The following ATP6V1A variants were observed in gnomAD, a reference collection of about 807,000 sequenced individuals.
ATP6V1A encodes the protein V-type proton ATPase catalytic subunit A.
In ATP6V1A, 18 loss-of-function variants were observed where a neutral mutation model predicts 70.1. The observed-to-expected ratio is 0.26, with a 90% CI of 0.18 to 0.38. ATP6V1A has a LOEUF of 0.38. Ranked by LOEUF, ATP6V1A falls within the 10% of genes least tolerant of loss-of-function variation. The pLI is 1.00. For missense variants in ATP6V1A, 424 were observed against 772.4 expected (o/e 0.55, Z 5.35); for synonymous variants, 232 against 253.8 (o/e 0.91, Z 0.82).
intron 6 of ATP6V1A, among the ~76,000 whole-genome samples, chr3:113,788,360 GT>G (rs1054307458): frequency 2.1e-4 from 31 of 151,050 alleles, no homozygotes; most frequent in Admixed American, 1.1e-3. Context: ...TTGAGATGGA[GT>G]TTTTTGCTCG....
intron 1 of ATP6V1A, among the ~76,000 whole-genome samples, chr3:113,750,671 T>C (rs897315939): frequency 2.0e-5 from 3 of 152,236 alleles, no homozygotes; most frequent in Non-Finnish European, 2.9e-5. Context: ...CGTTTAAATC[T>C]ATAGATGGTG....
chr3:113,784,531 A>G, intron 4 of ATP6V1A, 93 bp downstream of exon 4: 4 of 1,401,228 alleles, frequency 2.9e-6, no homozygotes, highest in South Asian at 1.4e-5. Flanking sequence ...CCAAATAAAA[A>G]TAGACTACAG....
At chr3:113,785,215 G>A (rs1451976224) in intron 5 of ATP6V1A, among the ~76,000 whole-genome samples, 2 of 152,176 alleles carry the variant, frequency 1.3e-5, no homozygotes, top group Non-Finnish European at 2.9e-5. Context: ...GGCGAGATGG[G>A]CAGAGCACAA....
At chr3:113,782,396 G>A (rs376788612) in intron 3 of ATP6V1A, among the ~76,000 whole-genome samples, 6 of 151,338 alleles carry the variant, frequency 4.0e-5, no homozygotes, top group Non-Finnish European at 7.4e-5. Context: ...GTATCTAGCC[G>A]TTTATCAAAA....
chr3:113,798,474 G>A (rs1284215784), intron 12 of ATP6V1A, 28 bp downstream of exon 12: 7 of 1,610,598 alleles, frequency 4.3e-6, no homozygotes, highest in South Asian at 1.1e-5. Flanking sequence ...ATGGAAGATA[G>A]ATCTGTGGGT....
At chr3:113,789,290 G>A (rs1259561513) in intron 7 of ATP6V1A, among the ~76,000 whole-genome samples, 2 of 151,932 alleles carry the variant, frequency 1.3e-5, no homozygotes, top group African/African-American at 4.8e-5. Context: ...TCCAATAATC[G>A]ACCCACTTCA....
At chr3:113,784,938 A>C (rs1351400360) in intron 5 of ATP6V1A, 105 bp downstream of exon 5, 2 of 1,217,828 alleles carry the variant, frequency 1.6e-6, no homozygotes, top group East Asian at 2.6e-5. Flanking sequence ...TTAATACATA[A>C]GTTTTGAGTA....
At position 113,788,902 on chromosome 3, in the gene ATP6V1A, C is replaced by G. The variant is rs146162142; in HGVS notation, c.879+27C>G. On this transcript the variant is annotated intron_variant, in intron 7 of 14. Transcript: ENST00000273398. ...TCTGTATAAAGCTTCAAATAATATC[C>G]TAGAGAAAATACCACTCATCAGTGT... is the stretch of plus-strand genomic sequence containing the variant. The G allele has an allele frequency of 3.2e-3, 5,108 of 1,595,888 alleles. 143 individuals are homozygous for G. In the Admixed American group the frequency reaches 0.054, roughly 17 times the overall value.
At chr3:113,764,684 T>C (rs1044059977) in intron 1 of ATP6V1A, among the ~76,000 whole-genome samples, 2 of 152,304 alleles carry the variant, frequency 1.3e-5, no homozygotes, top group African/African-American at 4.8e-5. Flanking sequence ...CTTTGTAACC[T>C]GAAATCAGGA....
intron 8 of ATP6V1A, among the ~76,000 whole-genome samples, chr3:113,793,984 C>T (rs79864411): frequency 4.0e-4 from 61 of 152,102 alleles, no homozygotes; most frequent in East Asian, 1.3e-3. Flanking sequence ...GCCATATATA[C>T]AAGTATATAG....
At chr3:113,747,387 G>A (rs1708535219) in intron 1 of ATP6V1A, 1 of 152,376 alleles carries the variant, frequency 6.6e-6, no homozygotes, top group South Asian at 2.1e-4. Flanking sequence ...GGGGCTTCGG[G>A]TAGCAGATTG....
In ATP6V1A at chr3:113,788,843, G is replaced by T; in HGVS notation, c.847G>T (p.Glu283Ter). 6.2e-7 allele frequency: 1 copy of T among 1,613,400 alleles called. No individual in the cohort carries two copies. The highest frequency in any genetic ancestry group is 8.5e-7 in the Non-Finnish European group (1 of 1,179,904). The stretch of plus-strand genomic sequence containing the variant: ...TGTAGGATGTGGTGAAAGAGGAAAT[G>T]AGATGTCTGAAGTCCTCCGGGACTT... The part of the protein sequence containing the change: ...IYVGCGERGN[E>*]MSEVLRDFPE... Residue 283 changes from glutamate to a stop codon, truncating the protein, a stop_gained, in exon 7 of 15, where the codon GAG becomes TAG. Transcript: ENST00000273398. LOFTEE classifies it high-confidence loss of function.
intron 13 of ATP6V1A, among the ~76,000 whole-genome samples, chr3:113,804,391 A>G (rs1313424901): frequency 1.3e-5 from 2 of 151,970 alleles, no homozygotes; most frequent in Admixed American, 6.6e-5. Flanking sequence ...CTTGCTTTCT[A>G]CCAAGGTCTC....
chr3:113,762,771 T>TG (rs998957869), intron 1 of ATP6V1A, among the ~76,000 whole-genome samples: 155 of 151,720 alleles, frequency 1.0e-3, no homozygotes, highest in African/African-American at 2.6e-3. Flanking sequence ...GTACATTTTG[T>TG]GGGGGGGGAA....
chr3:113,782,451 C>T (rs1202031336), intron 3 of ATP6V1A, among the ~76,000 whole-genome samples: 1 of 150,582 alleles, frequency 6.6e-6, no homozygotes, highest in Non-Finnish European at 1.5e-5. Flanking sequence ...TTTATAGCTC[C>T]CTTTATTTTA....
chr3:113,795,986 C>G, intron 11 of ATP6V1A, 47 bp downstream of exon 11: 1 of 1,451,300 alleles, frequency 6.9e-7, no homozygotes, highest in Non-Finnish European at 9.5e-7. Context: ...TTCCTCCTCT[C>G]TGCAGCCCCT....
chr3:113,763,618 A>T (rs1708731438), intron 1 of ATP6V1A, among the ~76,000 whole-genome samples: 1 of 152,124 alleles, frequency 6.6e-6, no homozygotes, highest in Non-Finnish European at 1.5e-5. Flanking sequence ...GGCAAGTCTC[A>T]CTTCTCGTGT....
chr3:113,762,461 G>A (rs912245458), intron 1 of ATP6V1A, among the ~76,000 whole-genome samples: 4 of 151,924 alleles, frequency 2.6e-5, no homozygotes, highest in African/African-American at 9.7e-5. Flanking sequence ...CCAGCTACTC[G>A]GGAGGCTGAG....
At chr3:113,768,793 G>C (rs1260529918) in intron 1 of ATP6V1A, among the ~76,000 whole-genome samples, 1 of 151,654 alleles carries the variant, frequency 6.6e-6, no homozygotes, top group Non-Finnish European at 1.5e-5. Flanking sequence ...ATGGGATTTC[G>C]CCACGTTGGC....
Sources: gnomAD v4.1 joint callset for allele counts (sites outside exome capture counted in the v4.1 genomes callset) on GRCh38, gnomAD v4.1.1 for gene constraint, MANE v1.5 for transcripts, NCBI Gene and HGNC (gene_info 2026-07-23, HGNC 2026-07-21) for gene names.